Variants in GLRA2 observed in about 807,000 individuals in gnomAD.
GLRA2 encodes glycine receptor subunit alpha-2.
Under a neutral mutation model 31.6 loss-of-function variants are expected in GLRA2, and 11 were observed. The observed-to-expected ratio is 0.35, with a 90% CI of 0.22 to 0.58. The LOEUF is 0.58. Ranked by LOEUF, GLRA2 falls within the 20% of genes least tolerant of loss-of-function variation. The pLI is 0.84. For missense variants in GLRA2, 212 were observed against 351.8 expected (o/e 0.60, Z 3.18); for synonymous variants, 132 against 134.0 (o/e 0.99, Z 0.10).
intron 7 of GLRA2, among the ~76,000 whole-genome samples, chrX:14,624,683 A>C (rs1414624728): frequency 1.8e-5 from 2 of 111,854 alleles, no homozygotes; most frequent in African/African-American, 6.5e-5. Flanking sequence ...CTTTATCCTG[A>C]GTTCTAATTT....
chrX:14,642,799 G>T (rs5934184), intron 7 of GLRA2, among the ~76,000 whole-genome samples: 1 of 110,194 alleles, frequency 9.1e-6, no homozygotes, highest in Non-Finnish European at 1.9e-5. Context: ...GATCAGGTAT[G>T]GTAGGCAGAT....
intron 3 of GLRA2, among the ~76,000 whole-genome samples, chrX:14,577,137 G>A (rs1157768071): frequency 8.9e-6 from 1 of 112,863 alleles, no homozygotes; most frequent in Non-Finnish European, 1.9e-5. Context: ...TCACAACTAT[G>A]TGATTCTGCC....
the GLRA2 span, among the ~76,000 whole-genome samples, chrX:14,460,352 A>G: frequency 7.9e-4 from 88 of 111,668 alleles, no homozygotes; most frequent in African/African-American, 1.6e-3. Flanking sequence ...TTGTGTCTCT[A>G]CCAGGCTTTG....
chrX:14,493,555 A>G, the GLRA2 span, among the ~76,000 whole-genome samples: 1 of 105,031 alleles, frequency 9.5e-6, no homozygotes, highest in Admixed American at 1.0e-4. Flanking sequence ...TTATATACAT[A>G]TATACACATA....
At chrX:14,569,178 C>T (rs1001497543) in intron 2 of GLRA2, among the ~76,000 whole-genome samples, 14 of 111,157 alleles carry the variant, frequency 1.3e-4, no homozygotes, top group African/African-American at 4.6e-4. Flanking sequence ...TCACTTGAAC[C>T]TGGGAGGCAG....
At chrX:14,475,201 A>G in the GLRA2 span, among the ~76,000 whole-genome samples, 1 of 112,539 alleles carries the variant, frequency 8.9e-6, no homozygotes, top group Non-Finnish European at 1.9e-5. Context: ...TGTAAGCAGC[A>G]GATAAAATCC....
chrX:14,586,368 T>C (rs966826678), intron 4 of GLRA2, among the ~76,000 whole-genome samples: 2 of 112,553 alleles, frequency 1.8e-5, no homozygotes, highest in Admixed American at 9.4e-5. Flanking sequence ...CATTTTTCTT[T>C]AATATTCATT....
intron 4 of GLRA2, 21 bp from the exon 5 acceptor site, chrX:14,604,294 A>ATTTT: frequency 2.1e-6 from 2 of 957,446 alleles, no homozygotes; most frequent in Admixed American, 5.0e-5. Flanking sequence ...ATGGTTTTTA[A>ATTTT]TTTTTTTTTT....
At chrX:14,521,103 G>A in the GLRA2 span, among the ~76,000 whole-genome samples, 1 of 112,566 alleles carries the variant, frequency 8.9e-6, no homozygotes, top group African/African-American at 3.2e-5. Flanking sequence ...GTCTCACTTT[G>A]AGAGAGAGAC....
chrX:14,669,613 C>T (rs954409647), intron 7 of GLRA2, among the ~76,000 whole-genome samples: 25 of 112,155 alleles, frequency 2.2e-4, no homozygotes, highest in African/African-American at 5.8e-4. Flanking sequence ...GCTGCCAAGG[C>T]TTGAGGCTTG....
chrX:14,659,719 T>C (rs985698211), intron 7 of GLRA2, among the ~76,000 whole-genome samples: 2 of 111,409 alleles, frequency 1.8e-5, no homozygotes, highest in South Asian at 3.8e-4. Flanking sequence ...CACAGGAAGA[T>C]AGGAGACCCT....
chrX:14,585,554 G>A (rs2090071961), intron 4 of GLRA2, among the ~76,000 whole-genome samples: 1 of 111,313 alleles, frequency 9.0e-6, no homozygotes, highest in Non-Finnish European at 1.9e-5. Flanking sequence ...TAAGGCCAAG[G>A]GGGGTACAGT....
intron 7 of GLRA2, among the ~76,000 whole-genome samples, chrX:14,656,768 T>C (rs1293194026): frequency 8.9e-6 from 1 of 112,084 alleles, no homozygotes; most frequent in East Asian, 2.8e-4. Context: ...ATAGAACTTA[T>C]AATGGGAGAT....
chrX:14,524,775 TATA>T (rs1199671127), upstream of GLRA2, among the ~76,000 whole-genome samples: 5 of 110,815 alleles, frequency 4.5e-5, no homozygotes, highest in Non-Finnish European at 5.7e-5. Context: ...TGTATCTTAA[TATA>T]ATAGTAACCA....
intron 6 of GLRA2, 32 bp from the exon 7 acceptor site, chrX:14,608,959 C>G: frequency 1.5e-6 from 1 of 658,758 alleles, no homozygotes; most frequent in Non-Finnish European, 2.5e-6. Flanking sequence ...TAAATTCAGG[C>G]TGGACTTTAA....
chrX:14,587,750 CTA>C (rs1336473232), intron 4 of GLRA2, among the ~76,000 whole-genome samples: 1 of 111,722 alleles, frequency 9.0e-6, no homozygotes, highest in East Asian at 2.8e-4. Context: ...TCTGTTTACT[CTA>C]TTGATAATTT....
chrX:14,691,328 CGCGT>C (rs749187389), intron 8 of GLRA2, among the ~76,000 whole-genome samples: 25,237 of 99,933 alleles, frequency 0.25, 2,454 homozygotes, highest in Non-Finnish European at 0.3. Context: ...TGTGTGTGCG[CGCGT>C]GCGTGCGTGT....
At chrX:14,581,766 G>GCACACACACACACA (rs57962541) in intron 4 of GLRA2, among the ~76,000 whole-genome samples, 7 of 90,886 alleles carry the variant, frequency 7.7e-5, no homozygotes, top group East Asian at 3.6e-4. Flanking sequence ...ATTCAAGCAT[G>GCACACACACACACA]CACACACACA....
intron 8 of GLRA2, among the ~76,000 whole-genome samples, chrX:14,716,807 A>C (rs746204496): frequency 5.4e-5 from 6 of 111,390 alleles, no homozygotes; most frequent in African/African-American, 2.0e-4. Flanking sequence ...ATAAAAAGAA[A>C]AATGGAAATT....
Sources: gnomAD v4.1 joint callset for allele counts (sites outside exome capture counted in the v4.1 genomes callset) on GRCh38, gnomAD v4.1.1 for gene constraint, MANE v1.5 for transcripts, NCBI Gene and HGNC (gene_info 2026-07-23, HGNC 2026-07-21) for gene names.